The following RP1 variants were observed in gnomAD, a reference collection of about 807,000 sequenced individuals.
The protein encoded by RP1 is oxygen-regulated protein 1.
Under a neutral mutation model 14.8 loss-of-function variants are expected in RP1, and 16 were observed. The observed-to-expected ratio is 1.08, with a 90% CI of 0.73 to 1.65. The LOEUF (loss-of-function observed/expected upper bound fraction) is 1.65. Among genes scored for constraint, RP1 ranks in the 40% most tolerant of loss-of-function variants. The pLI is 0.00. For missense variants in RP1, 2,631 were observed against 2,535.0 expected (o/e 1.04, Z -0.81); for synonymous variants, 876 against 883.6 (o/e 0.99, Z 0.15).
intron 27 of RP1, among the ~76,000 whole-genome samples, chr8:54,865,309 TATC>T (rs1343265231): frequency 6.6e-6 from 1 of 151,984 alleles, no homozygotes; most frequent in African/African-American, 2.4e-5. Flanking sequence ...TTTCTATACT[TATC>T]AGTTTTCCTT....
At chr8:54,729,679 T>C (rs1379182524) in intron 17 of RP1, among the ~76,000 whole-genome samples, 1 of 152,090 alleles carries the variant, frequency 6.6e-6, no homozygotes, top group African/African-American at 2.4e-5. Context: ...AATATATCAT[T>C]TTGTAACCTT....
chr8:54,657,457 C>T (rs1162859795), intron 6 of RP1, among the ~76,000 whole-genome samples: 1 of 152,182 alleles, frequency 6.6e-6, no homozygotes, highest in Non-Finnish European at 1.5e-5. Context: ...CATACCCTAT[C>T]ATATGTATCT....
chr8:54,585,875 G>A (rs1417000270), intron 1 of RP1, among the ~76,000 whole-genome samples: 1 of 152,100 alleles, frequency 6.6e-6, no homozygotes, highest in Non-Finnish European at 1.5e-5. Flanking sequence ...TCTCTGCATT[G>A]GTTATTCTAG....
chr8:54,559,270 G>T (rs189368023), exon 1 of RP1: 1 of 152,150 alleles, frequency 6.6e-6, no homozygotes, highest in African/African-American at 2.4e-5. Flanking sequence ...TCTTCATTAA[G>T]ATATTCTAGA....
At chr8:54,600,830 A>C (rs1262473266) in intron 1 of RP1, among the ~76,000 whole-genome samples, 1 of 152,100 alleles carries the variant, frequency 6.6e-6, no homozygotes, top group Non-Finnish European at 1.5e-5. Context: ...ATCTGCTCCT[A>C]TCGGTGTTTT....
intron 3 of RP1, among the ~76,000 whole-genome samples, chr8:54,642,094 A>C (rs1806463546): frequency 6.6e-6 from 1 of 152,158 alleles, no homozygotes; most frequent in Non-Finnish European, 1.5e-5. Context: ...ATCATTAAAG[A>C]TTTTTCTAGC....
At chr8:54,757,496 G>A (rs1809537917) in intron 21 of RP1, among the ~76,000 whole-genome samples, 1 of 152,174 alleles carries the variant, frequency 6.6e-6, no homozygotes, top group African/African-American at 2.4e-5. Flanking sequence ...GTGAAGGAGT[G>A]GGAACAGTGA....
At chr8:54,856,478 T>C (rs1812202615) in intron 26 of RP1, among the ~76,000 whole-genome samples, 1 of 152,218 alleles carries the variant, frequency 6.6e-6, no homozygotes, top group South Asian at 2.1e-4. Context: ...ACATAGTTTA[T>C]TTAAAAGTAA....
upstream of RP1, among the ~76,000 whole-genome samples, chr8:54,615,617 G>T (rs543924462): frequency 1.8e-4 from 27 of 152,290 alleles, no homozygotes; most frequent in African/African-American, 6.3e-4. Context: ...GTTATGCTGA[G>T]TCACCAAATT....
chr8:54,829,463 T>A (rs1811468366), intron 24 of RP1, among the ~76,000 whole-genome samples: 1 of 152,174 alleles, frequency 6.6e-6, no homozygotes, highest in South Asian at 2.1e-4. Context: ...AAATTTATAT[T>A]AATGATATTA....
intron 24 of RP1, among the ~76,000 whole-genome samples, chr8:54,821,165 G>T (rs956852780): frequency 6.6e-6 from 1 of 152,042 alleles, no homozygotes; most frequent in Non-Finnish European, 1.5e-5. Flanking sequence ...GAGAACAAAT[G>T]GTAAATAAGG....
chr8:54,814,230 G>A (rs963997099), intron 24 of RP1, among the ~76,000 whole-genome samples: 3 of 152,168 alleles, frequency 2.0e-5, no homozygotes, highest in East Asian at 1.9e-4. Context: ...TATGTTAGGC[G>A]CATATTTAAG....
At chr8:54,656,271 A>G in intron 6 of RP1, 2 of 1,495,354 alleles carry the variant, frequency 1.3e-6, no homozygotes, top group Non-Finnish European at 1.8e-6. Context: ...CTAAATGCTG[A>G]AGGACAGGGA....
At chr8:54,809,691 GA>G (rs1810941546) in intron 24 of RP1, among the ~76,000 whole-genome samples, 2 of 152,146 alleles carry the variant, frequency 1.3e-5, no homozygotes, top group South Asian at 4.2e-4. Flanking sequence ...CTCGCTCCTA[GA>G]ACAACTTTTT....
downstream of RP1, among the ~76,000 whole-genome samples, chr8:54,770,526 G>A (rs1221620324): frequency 6.7e-6 from 1 of 149,808 alleles, no homozygotes; most frequent in African/African-American, 2.4e-5. Context: ...TTAAAAGTGT[G>A]GTTACTTTTT....
intron 24 of RP1, among the ~76,000 whole-genome samples, chr8:54,835,205 T>C (rs1337826520): frequency 1.3e-5 from 2 of 152,196 alleles, no homozygotes; most frequent in Non-Finnish European, 1.5e-5. Context: ...TTTATTTCAT[T>C]AAAACTGAAG....
rs1317974692 is a variant in RP1, at chr8:54,668,365, G to C, written c.1323+4515G>C. Among the ~76,000 whole-genome samples, 7 of 152,234 alleles carry C rather than the reference G, an allele frequency of 4.6e-5. No homozygotes were observed. The East Asian group carries it at 1.3e-3, about 29-fold the overall frequency. On this transcript the variant is annotated intron_variant, in intron 7 of 22. Coordinates refer to the RP1 transcript ENST00000636932. ...GAAGAACTACAAACCACTGTTCAAT[G>C]AAATAAAAGATGACACAAACAAATG...
intron 17 of RP1, among the ~76,000 whole-genome samples, chr8:54,730,440 A>C (rs532876451): frequency 6.6e-6 from 1 of 152,154 alleles, no homozygotes; most frequent in Admixed American, 6.5e-5. Flanking sequence ...TGAATCTCCA[A>C]GTAGGAACCT....
intron 1 of RP1, among the ~76,000 whole-genome samples, chr8:54,602,496 T>TA (rs1378756997): frequency 6.6e-6 from 1 of 152,194 alleles, no homozygotes; most frequent in Non-Finnish European, 1.5e-5. Flanking sequence ...GCAATAAACA[T>TA]ACATGTGTAT....
Sources: allele counts gnomAD v4.1 joint callset (sites outside exome capture counted in the v4.1 genomes callset), GRCh38; gene constraint gnomAD v4.1.1; transcripts MANE v1.5; gene names NCBI Gene and HGNC (gene_info 2026-07-23, HGNC 2026-07-21).